The following FER variants were observed in gnomAD, a reference collection of about 807,000 sequenced individuals.
FER encodes FER tyrosine kinase.
Under a neutral mutation model 111.0 loss-of-function variants are expected in FER, and 63 were observed. The ratio of observed to expected loss-of-function variants is 0.57; its 90% CI spans 0.46 to 0.70. The LOEUF (loss-of-function observed/expected upper bound fraction) is 0.70, where lower values mean the gene tolerates loss of function less well. Ranked by LOEUF, FER falls within the 30% of genes least tolerant of loss-of-function variation. The probability of loss-of-function intolerance (pLI) is 0.00; values close to 1 mark genes in which losing one functional copy is unlikely to be tolerated. For missense variants in FER, 914 were observed against 954.0 expected, an observed-to-expected ratio of 0.96 and a Z score of 0.55; for synonymous variants, 327 against 313.9, an observed-to-expected ratio of 1.04 and a Z score of -0.44.
Position 109,016,927 on chromosome 5 carries a change from C to G in FER, c.1657-20495C>G, listed in dbSNP as rs558833343. 2.0e-5 allele frequency among the ~76,000 whole-genome samples: 3 copies of G among 151,946 alleles called. No individual in the cohort carries two copies. In the South Asian group the frequency reaches 6.2e-4, roughly 31 times the overall value. ...GTGGTCTTATAAGAGGAAGAGAGAC[C>G]TATCTCTACCTGTGAATATGCCTAG... is the stretch of plus-strand genomic sequence containing the variant. On this transcript the variant is annotated intron_variant, in intron 13 of 19. Transcript: ENST00000281092.
intron 13 of FER, among the ~76,000 whole-genome samples, chr5:109,003,846 G>C (rs536054254): frequency 6.6e-6 from 1 of 152,132 alleles, no homozygotes; most frequent in South Asian, 2.1e-4. Context: ...TGGGCATGGT[G>C]GCGCACACCT....
At chr5:108,863,127 T>G (rs1385452247) in intron 5 of FER, among the ~76,000 whole-genome samples, 1 of 152,122 alleles carries the variant, frequency 6.6e-6, no homozygotes, top group Admixed American at 6.5e-5. Flanking sequence ...CTGACCTTTT[T>G]TTTTGTTTGT....
In FER at chr5:109,155,476, A is replaced by G. The variant is rs115510670; in HGVS notation, c.2049-25271A>G. Among the ~76,000 whole-genome samples, 4 of 152,102 alleles carry G rather than the reference A, an allele frequency of 2.6e-5. 1 individual carries two copies. Among genetic ancestry groups the G allele is most frequent in the South Asian group, 2.1e-4 (1 of 4,826 alleles). On this transcript the variant is annotated intron_variant, in intron 17 of 19. Coordinates refer to ENST00000281092, the MANE Select transcript of FER (RefSeq NM_005246.4). ...ATTGCATAGAGGTACTTGTAATTCAAGAGTGACTAGGAAAGTTTAATTGCT... is the reference window on the plus strand; with the variant it reads ...ATTGCATAGAGGTACTTGTAATTCAGGAGTGACTAGGAAAGTTTAATTGCT...
At chr5:108,812,640 A>G (rs1420742427) in intron 3 of FER, among the ~76,000 whole-genome samples, 1 of 151,924 alleles carries the variant, frequency 6.6e-6, no homozygotes, top group Non-Finnish European at 1.5e-5. Flanking sequence ...TTATGTTCTT[A>G]TATTCCTTTC....
At chr5:108,910,377 G>A (rs559669428) in intron 10 of FER, among the ~76,000 whole-genome samples, 26 of 152,220 alleles carry the variant, frequency 1.7e-4, no homozygotes, top group African/African-American at 6.3e-4. Flanking sequence ...GGGTACAGTG[G>A]CTTTTTATGA....
chr5:109,169,015 G>C (rs1756830193), intron 17 of FER, among the ~76,000 whole-genome samples: 1 of 152,152 alleles, frequency 6.6e-6, no homozygotes, highest in South Asian at 2.1e-4. Flanking sequence ...TTCATTAAGA[G>C]ACCAAAAGGA....
At chr5:109,015,437 T>G (rs1009721700) in intron 13 of FER, among the ~76,000 whole-genome samples, 4 of 152,008 alleles carry the variant, frequency 2.6e-5, no homozygotes, top group African/African-American at 9.7e-5. Context: ...GAGCATATAT[T>G]CATTCCTTCT....
chr5:108,916,533 A>G (rs1381471568), intron 10 of FER, among the ~76,000 whole-genome samples: 2 of 152,118 alleles, frequency 1.3e-5, no homozygotes, highest in Non-Finnish European at 1.5e-5. Flanking sequence ...GACTTGCGTT[A>G]TATATATAGT....
chr5:108,933,518 C>T (rs1447263496), intron 10 of FER, among the ~76,000 whole-genome samples: 2 of 152,148 alleles, frequency 1.3e-5, no homozygotes, highest in Non-Finnish European at 2.9e-5. Context: ...AGGTTGAAGT[C>T]AGGTAGCATG....
At chr5:108,835,901 A>G (rs962175651) in intron 5 of FER, 94 bp downstream of exon 5, 2 of 638,214 alleles carry the variant, frequency 3.1e-6, no homozygotes, top group African/African-American at 3.8e-5. Flanking sequence ...TTCCATTTAG[A>G]GCATTTCACA....
chr5:109,015,881 C>T (rs1403458607), intron 13 of FER, among the ~76,000 whole-genome samples: 2 of 151,970 alleles, frequency 1.3e-5, no homozygotes, highest in Non-Finnish European at 2.9e-5. Flanking sequence ...CCCCTCCATA[C>T]TCCGAAGAAT....
intron 10 of FER, among the ~76,000 whole-genome samples, chr5:108,914,413 T>C (rs527767742): frequency 6.6e-6 from 1 of 152,348 alleles, no homozygotes; most frequent in South Asian, 2.1e-4. Flanking sequence ...ATGGACTATG[T>C]ACCTCTTATT....
chr5:108,883,404 C>T lies in FER; in HGVS notation c.932C>T (p.Thr311Met), dbSNP rs773919949. 5.0e-6 allele frequency: 8 copies of T among 1,603,488 alleles called. No individual in the cohort carries two copies. Among genetic ancestry groups the T allele is most frequent in the East Asian group, 2.2e-5 (1 of 44,522 alleles). The change falls in exon 9 of 20, where the codon ACG becomes ATG. Residue 311 changes from threonine to methionine, a missense_variant. Thr to Met is a moderately conservative substitution (Grantham distance 81, BLOSUM62 -1). Coordinates refer to ENST00000281092, the MANE Select transcript of FER (RefSeq NM_005246.4). ...GATACTGTTTATTCTAGGTTGAAAA[C>T]GTTAGCGGAAGAACTTATGCAAACA... ...TAESLQVMLK[T>M]LAEELMQTQQ...
At chr5:108,878,810 A>G (rs1765354880) in intron 8 of FER, among the ~76,000 whole-genome samples, 2 of 152,198 alleles carry the variant, frequency 1.3e-5, no homozygotes, top group Non-Finnish European at 2.9e-5. Flanking sequence ...TATACAATAA[A>G]CATTCTTGTA....
chr5:109,187,396 C>CATTCT, intron 19 of FER, 37 bp from the exon 20 acceptor site: 1 of 1,602,186 alleles, frequency 6.2e-7, no homozygotes, highest in Non-Finnish European at 8.5e-7. Context: ...GTCTTACCTC[C>CATTCT]ATTCTAAATT....
chr5:109,028,956 G>A (rs183931101), intron 13 of FER, among the ~76,000 whole-genome samples: 1 of 152,288 alleles, frequency 6.6e-6, no homozygotes, highest in East Asian at 1.9e-4. Context: ...GCATAGAATG[G>A]ATATTTATGT....
chr5:109,158,296 G>A lies in FER; in HGVS notation c.2049-22451G>A, dbSNP rs1173801245. Reference sequence around the variant, plus strand: ...ATACTGGGGGTCAGAAGTCGGGGTCGGGGCAGTTGAGGTAGATGAATCACC... The same window carrying A: ...ATACTGGGGGTCAGAAGTCGGGGTCAGGGCAGTTGAGGTAGATGAATCACC... On this transcript the variant is annotated intron_variant, in intron 17 of 19. Coordinates refer to ENST00000281092, the MANE Select transcript of FER (RefSeq NM_005246.4). Among the ~76,000 whole-genome samples the A allele has an allele frequency of 3.3e-5, 5 of 151,894 alleles. No homozygotes were observed. In the South Asian group the frequency reaches 8.3e-4, roughly 25 times the overall value.
intron 10 of FER, among the ~76,000 whole-genome samples, chr5:108,921,456 C>T (rs1178179328): frequency 6.6e-6 from 1 of 152,022 alleles, no homozygotes; most frequent in Non-Finnish European, 1.5e-5. Context: ...ATTTCCTCTG[C>T]CTTGTACAGT....
At chr5:108,999,371 G>C (rs956089559) in intron 13 of FER, among the ~76,000 whole-genome samples, 9 of 152,020 alleles carry the variant, frequency 5.9e-5, no homozygotes, top group African/African-American at 2.2e-4. Context: ...TGGTTCATTT[G>C]TTTCAACTGT....
Sources: allele counts gnomAD v4.1 joint callset (sites outside exome capture counted in the v4.1 genomes callset), GRCh38; gene constraint gnomAD v4.1.1; transcripts MANE v1.5; gene names NCBI Gene and HGNC (gene_info 2026-07-23, HGNC 2026-07-21).